The following TM4SF19 variants were observed in gnomAD, a reference collection of about 807,000 sequenced individuals.
TM4SF19 encodes transmembrane 4 L six family member 19, also known as transmembrane 4 L6 family member 19.
Under a neutral mutation model 21.8 loss-of-function variants are expected in TM4SF19, and 17 were observed. The observed-to-expected ratio is 0.78, with a 90% CI of 0.53 to 1.17. The LOEUF (loss-of-function observed/expected upper bound fraction) is 1.17. Among genes scored for constraint, TM4SF19 ranks in the 50% most tolerant of loss-of-function variants. TM4SF19 has a pLI of 0.00. For missense variants in TM4SF19, 216 were observed against 252.1 expected (o/e 0.86, Z 0.97); for synonymous variants, 107 against 106.7 (o/e 1.00, Z -0.02).
chr3:196,324,724 G>A (rs942384721), intron 3 of TM4SF19: 5 of 407,934 alleles, frequency 1.2e-5, no homozygotes, highest in Admixed American at 3.9e-5. Context: ...CTCCCTGACC[G>A]TGAGTTCGCC....
At chr3:196,324,532 A>G (rs2280526) in intron 3 of TM4SF19, 92 bp from the exon 4 acceptor site, 829,366 of 1,398,238 alleles carry the variant, frequency 0.59, 249,235 homozygotes, top group East Asian at 0.9. Flanking sequence ...ACGGGGTCGC[A>G]GCTGGGGAGT....
intron 1 of TM4SF19, among the ~76,000 whole-genome samples, chr3:196,333,425 A>G (rs1458787017): frequency 1.3e-5 from 2 of 152,252 alleles, no homozygotes; most frequent in Non-Finnish European, 2.9e-5. Context: ...TTATAACAAC[A>G]TACTGTAATG....
chr3:196,336,412 AC>A (rs1269216659), intron 1 of TM4SF19, among the ~76,000 whole-genome samples: 2 of 152,198 alleles, frequency 1.3e-5, no homozygotes, highest in Admixed American at 1.3e-4. Context: ...TGCTGGGATT[AC>A]AGGTGTGAGC....
At chr3:196,332,786 A>C (rs1727572899) in intron 1 of TM4SF19, among the ~76,000 whole-genome samples, 1 of 151,972 alleles carries the variant, frequency 6.6e-6, no homozygotes. Flanking sequence ...TCCTAAGTTC[A>C]AAAGGCATTT....
At chr3:196,328,359 A>C (rs1028891492) in intron 1 of TM4SF19, among the ~76,000 whole-genome samples, 1 of 152,174 alleles carries the variant, frequency 6.6e-6, no homozygotes, top group African/African-American at 2.4e-5. Flanking sequence ...ATTATGTAGA[A>C]AATCCTAAAG....
chr3:196,324,500 G>A (rs1388167400), intron 3 of TM4SF19, 60 bp from the exon 4 acceptor site: 4 of 1,582,506 alleles, frequency 2.5e-6, no homozygotes, highest in Non-Finnish European at 2.6e-6. Flanking sequence ...GCCTGCGGAG[G>A]GAGGAGAAAC....
intron 3 of TM4SF19, 59 bp from the exon 4 acceptor site, chr3:196,324,499 G>T: frequency 6.3e-7 from 1 of 1,585,734 alleles, no homozygotes; most frequent in Non-Finnish European, 8.6e-7. Context: ...AGCCTGCGGA[G>T]GGAGGAGAAA....
chr3:196,332,692 A>C (rs1442279587), intron 1 of TM4SF19, among the ~76,000 whole-genome samples: 2 of 151,992 alleles, frequency 1.3e-5, no homozygotes, highest in Non-Finnish European at 2.9e-5. Context: ...CTGAAACCAC[A>C]GATCATACCA....
chr3:196,330,667 G>A (rs1727471790), intron 1 of TM4SF19, among the ~76,000 whole-genome samples: 2 of 152,150 alleles, frequency 1.3e-5, no homozygotes, highest in Non-Finnish European at 2.9e-5. Context: ...AACTTTTAAC[G>A]GAGAGCAGAT....
chr3:196,323,647 T>G lies in TM4SF19; in HGVS notation c.*170A>C. 7.6e-7 allele frequency: 1 copy of G among 1,309,866 alleles called. No homozygotes were observed. The highest frequency in any genetic ancestry group is 1.0e-6 in the Non-Finnish European group (1 of 964,948). 81.1% of individuals were successfully genotyped at this position (1,309,866 alleles called of 1,614,324 possible). A position where few individuals can be genotyped will look rare whatever the true frequency, so the allele number is the denominator to read the frequency against. ...ATCACCTGGAAGTTTACAATGTGATTTAAAATGCATTCTATCATTCCACCG... is the reference window on the plus strand; with the variant it reads ...ATCACCTGGAAGTTTACAATGTGATGTAAAATGCATTCTATCATTCCACCG... On this transcript the variant is annotated 3_prime_UTR_variant, in exon 5 of 5. Coordinates refer to ENST00000273695, the MANE Select transcript of TM4SF19 (RefSeq NM_138461.4).
Position 196,330,135 on chromosome 3 carries a change from G to T in TM4SF19, c.-1-2544C>A, listed in dbSNP as rs114545375. 6.2e-3 allele frequency among the ~76,000 whole-genome samples: 827 copies of T among 133,804 alleles called. 4 individuals are homozygous for T. The highest frequency in any genetic ancestry group is 0.02 in the African/African-American group (775 of 38,052). 87.8% of individuals were successfully genotyped at this position (133,804 alleles called of 152,430 possible). On this transcript the variant is annotated intron_variant, in intron 1 of 4. Coordinates refer to ENST00000273695, the MANE Select transcript of TM4SF19 (RefSeq NM_138461.4). ...GATCTGCCCGCCTCGGCCTCCCACC[G>T]CGCGCGGTGGTTTTGGGGTTTTTTT...
chr3:196,336,137 T>C (rs1727750007), intron 1 of TM4SF19, among the ~76,000 whole-genome samples: 1 of 151,384 alleles, frequency 6.6e-6, no homozygotes, highest in Non-Finnish European at 1.5e-5. Flanking sequence ...GTTTTTGTTT[T>C]GTTTTTTGTT....
At chr3:196,328,124 A>AC (rs1727372038) in intron 1 of TM4SF19, among the ~76,000 whole-genome samples, 1 of 151,930 alleles carries the variant, frequency 6.6e-6, no homozygotes, top group Admixed American at 6.6e-5. Flanking sequence ...ACATGGTGAA[A>AC]CCCCGTCTCT....
chr3:196,323,768 G>A lies in TM4SF19; in HGVS notation c.*49C>T. 1 of 1,614,064 alleles carries A rather than the reference G, an allele frequency of 6.2e-7. No homozygotes were observed. The highest frequency in any genetic ancestry group is 8.5e-7 in the Non-Finnish European group (1 of 1,180,008). The stretch of plus-strand genomic sequence containing the variant: ...CCCACTCCTTGTAGAAAGGATTCAA[G>A]ACAGCCGATGATGAAAACACCCATG... On this transcript the variant is annotated 3_prime_UTR_variant, in exon 5 of 5. Transcript: ENST00000273695.
At chr3:196,330,367 C>T (rs1474982974) in intron 1 of TM4SF19, among the ~76,000 whole-genome samples, 2 of 152,116 alleles carry the variant, frequency 1.3e-5, no homozygotes, top group African/African-American at 2.4e-5. Context: ...TAATTAATGT[C>T]ACTGAATTAT....
chr3:196,336,143 T>C (rs1727750755), intron 1 of TM4SF19, among the ~76,000 whole-genome samples: 1 of 151,948 alleles, frequency 6.6e-6, no homozygotes, highest in Admixed American at 6.6e-5. Context: ...GTTTTGTTTT[T>C]TGTTTTTTTT....
Position 196,324,251 on chromosome 3 carries a change from C to A in TM4SF19, c.449+20G>T, listed in dbSNP as rs202072190. On this transcript the variant is annotated intron_variant, in intron 4 of 4. Coordinates refer to ENST00000273695, the MANE Select transcript of TM4SF19 (RefSeq NM_138461.4). ...CTCTCTCTGTCTGAAAAGACCAAGC[C>A]CAAGCCTCCACCCATTTACCTACTA... 1 of 1,612,382 alleles carries A rather than the reference C, an allele frequency of 6.2e-7. No individual in the cohort carries two copies. The highest frequency in any genetic ancestry group is 1.1e-5 in the South Asian group (1 of 90,840).
At position 196,323,904 on chromosome 3, in the gene TM4SF19, C is replaced by T. The variant is rs747357048; in HGVS notation, c.543G>A (p.Leu181=). ...GGAGAAGCTGGAGCAGGCTGATGCA[C>T]AGAAGGGCGGAGAAGAGGGACACGT... ...VWHVSLFSAL[L]CISLLQLLLV... is the part of the protein sequence containing the mutation. Residue 181 remains leucine (L), a synonymous_variant, in exon 5 of 5, where the codon CTG becomes CTA. Coordinates refer to ENST00000273695, the MANE Select transcript of TM4SF19 (RefSeq NM_138461.4). 1 of 1,614,112 alleles carries T rather than the reference C, an allele frequency of 6.2e-7. No individual in the cohort carries two copies. The highest frequency in any genetic ancestry group is 1.7e-5 in the Admixed American group (1 of 59,998).
At position 196,327,371 on chromosome 3, in the gene TM4SF19, GGGAACCCCGGACAC is replaced by G; in HGVS notation, c.201+5_201+18del. 1.2e-6 allele frequency: 2 copies of G among 1,610,506 alleles called. No homozygotes were observed. Among genetic ancestry groups the G allele is most frequent in the Non-Finnish European group, 1.7e-6 (2 of 1,177,104 alleles). ...GGGTCTCTTTGAGAGTTCACGTTCA[GGGAACCCCGGACAC>G]TTACCATGAGGCCTCCTCCCCAGAG... is the stretch of plus-strand genomic sequence containing the variant. On this transcript the variant is annotated splice_donor_5th_base_variant and intron_variant, in intron 2 of 4. Transcript: ENST00000273695.
Sources: allele counts gnomAD v4.1 joint callset (sites outside exome capture counted in the v4.1 genomes callset), GRCh38; gene constraint gnomAD v4.1.1; transcripts MANE v1.5; gene names NCBI Gene and HGNC (gene_info 2026-07-23, HGNC 2026-07-21).